The following GSE1 variants were observed in gnomAD, a reference collection of about 807,000 sequenced individuals.
GSE1 encodes the protein genetic suppressor element 1.
GSE1 carries 32 observed loss-of-function variants against 112.6 expected under a neutral mutation model. That is an observed-to-expected ratio of 0.28 (90% CI 0.21 to 0.38). GSE1 has a LOEUF of 0.38. Ranked by LOEUF, GSE1 falls within the 10% of genes least tolerant of loss-of-function variation. GSE1 has a pLI of 1.00. For missense variants in GSE1, 2,348 were observed against 1,699.2 expected, an observed-to-expected ratio of 1.38 and a Z score of -6.71; for synonymous variants, 1,115 against 735.6, an observed-to-expected ratio of 1.52 and a Z score of -8.35.
intron 7 of GSE1, 149 bp from the exon 8 acceptor site, chr16:85,657,128 G>T: frequency 1.8e-6 from 1 of 558,954 alleles, no homozygotes; most frequent in Non-Finnish European, 3.1e-6. Context: ...AGCTCCCGTA[G>T]GGCCCCTTCT....
At position 85,414,822 on chromosome 16, in the gene GSE1, G is replaced by C. The variant is rs141132096; in HGVS notation, c.2464+57179G>C. 9.7e-4 allele frequency among the ~76,000 whole-genome samples: 148 copies of C among 152,254 alleles called. 3 individuals are homozygous for C. The East Asian group carries it at 0.026, about 26-fold the overall frequency. On this transcript the variant is annotated intron_variant, in intron 2 of 2. Coordinates refer to the GSE1 transcript ENST00000637419. The stretch of plus-strand genomic sequence containing the variant: ...ACTAATTTTTTGTATTTTTAGTAGA[G>C]ACGGGGTTTCACCATGTTGGCAAGG...
intron 1 of GSE1, among the ~76,000 whole-genome samples, chr16:85,584,192 C>A (rs539984731): frequency 3.3e-5 from 5 of 152,182 alleles, no homozygotes; most frequent in Non-Finnish European, 5.9e-5. Context: ...CCTTCCTCCC[C>A]CTCTGCGTGT....
chr16:85,634,692 G>T (rs541686230), intron 2 of GSE1, among the ~76,000 whole-genome samples: 1 of 152,180 alleles, frequency 6.6e-6, no homozygotes, highest in Non-Finnish European at 1.5e-5. Context: ...TTGGCTTCTG[G>T]TATCACCTGG....
chr16:85,651,173 G>A (rs1312942007), intron 3 of GSE1, among the ~76,000 whole-genome samples: 3 of 151,174 alleles, frequency 2.0e-5, no homozygotes, highest in South Asian at 2.1e-4. Context: ...GCCCTGATGC[G>A]TCTGTCTGTG....
chr16:85,624,633 C>T (rs117281024), intron 1 of GSE1, among the ~76,000 whole-genome samples: 1 of 152,218 alleles, frequency 6.6e-6, no homozygotes, highest in Non-Finnish European at 1.5e-5. Flanking sequence ...GGTTTCCTTC[C>T]GGCTCCTGAG....
At chr16:85,461,893 G>T (rs1159409385) in intron 2 of GSE1, among the ~76,000 whole-genome samples, 2 of 152,060 alleles carry the variant, frequency 1.3e-5, no homozygotes, top group Non-Finnish European at 2.9e-5. Context: ...GCGGCAGGCA[G>T]CCCTGCCCCT....
chr16:85,218,208 A>G (rs893991331), intron 1 of GSE1, among the ~76,000 whole-genome samples: 9 of 152,000 alleles, frequency 5.9e-5, no homozygotes, highest in African/African-American at 1.9e-4. Context: ...GGCTCGTTTC[A>G]GCCTCATCTG....
chr16:85,399,458 C>T (rs1361277574), intron 2 of GSE1, among the ~76,000 whole-genome samples: 6 of 152,212 alleles, frequency 3.9e-5, no homozygotes, highest in African/African-American at 1.4e-4. Context: ...CCACATGCCC[C>T]ACCAGCTTCA....
At chr16:85,632,727 TG>T (rs1409292855) in intron 1 of GSE1, among the ~76,000 whole-genome samples, 5 of 152,284 alleles carry the variant, frequency 3.3e-5, no homozygotes, top group African/African-American at 1.2e-4. Flanking sequence ...TCTTGTGTGT[TG>T]CCCCCCGGAT....
chr16:85,478,255 G>A lies in GSE1; in HGVS notation c.2464+120612G>A, dbSNP rs185024769. Among the ~76,000 whole-genome samples the A allele has an allele frequency of 5.9e-4, 90 of 152,226 alleles. 3 individuals are homozygous for A. The Middle Eastern group carries it at 0.044, about 75-fold the overall frequency. On this transcript the variant is annotated intron_variant, in intron 2 of 2. Coordinates refer to the GSE1 transcript ENST00000637419. ...TATTCCATGGCATGGGGCCAGGCAC[G>A]GTGGCTCATGCCTGTCATCGCAGCA... is the stretch of plus-strand genomic sequence containing the variant.
intron 2 of GSE1, among the ~76,000 whole-genome samples, chr16:85,456,062 G>C (rs2049817639): frequency 6.6e-6 from 1 of 152,250 alleles, no homozygotes; most frequent in African/African-American, 2.4e-5. Flanking sequence ...TTGAACTTGA[G>C]TGGCTGGCCC....
chr16:85,673,679 T>TC lies in GSE1; in HGVS notation c.*1145dup, dbSNP rs1465617135. The TC allele has an allele frequency of 6.6e-6, 1 of 152,120 alleles. No homozygotes were observed. The highest frequency in any genetic ancestry group is 1.5e-5 in the Non-Finnish European group (1 of 68,032). The allele number at this position is 152,120 out of a possible 1,614,324, so 9.4% of individuals were successfully genotyped here. A position where few individuals can be genotyped will look rare whatever the true frequency, so the allele number is the denominator to read the frequency against. On this transcript the variant is annotated 3_prime_UTR_variant, in exon 16 of 16. Coordinates refer to ENST00000253458, the MANE Select transcript of GSE1 (RefSeq NM_014615.5). ...ATGCGCTACTGCTTACCTCCTCCAC[T>TC]CCCCCTGCCTGCCCCCAGCATCTGG... is the stretch of plus-strand genomic sequence containing the variant.
At chr16:85,326,422 C>G (rs2046229383) in intron 1 of GSE1, among the ~76,000 whole-genome samples, 1 of 152,352 alleles carries the variant, frequency 6.6e-6, no homozygotes, top group South Asian at 2.1e-4. Context: ...ACCCAAATCT[C>G]ATTTTGAATG....
chr16:85,417,378 G>A (rs140492171), intron 2 of GSE1, among the ~76,000 whole-genome samples: 3,548 of 145,052 alleles, frequency 0.024, 54 homozygotes, highest in Middle Eastern at 0.064. Flanking sequence ...CTGTCAGGCC[G>A]CTAGTCTGCT....
intron 2 of GSE1, among the ~76,000 whole-genome samples, chr16:85,647,611 G>T (rs990186258): frequency 2.6e-5 from 4 of 152,050 alleles, no homozygotes; most frequent in East Asian, 1.9e-4. Flanking sequence ...GTTTTGAGAC[G>T]AAGTCTCGCT....
intron 2 of GSE1, among the ~76,000 whole-genome samples, chr16:85,462,820 G>A (rs1223665108): frequency 1.4e-5 from 2 of 146,188 alleles, no homozygotes; most frequent in African/African-American, 4.9e-5. Flanking sequence ...GGGGCCGGGG[G>A]GCGGCGTGAG....
intron 2 of GSE1, among the ~76,000 whole-genome samples, chr16:85,369,572 C>T (rs1024896931): frequency 1.3e-5 from 2 of 152,144 alleles, no homozygotes; most frequent in African/African-American, 4.8e-5. Flanking sequence ...CTTGCAAGGA[C>T]CCTGTGACCC....
At chr16:85,233,482 T>C (rs550379809) in intron 1 of GSE1, among the ~76,000 whole-genome samples, 5 of 152,342 alleles carry the variant, frequency 3.3e-5, no homozygotes, top group African/African-American at 1.2e-4. Context: ...GGAACTGCTC[T>C]GACAGCTGCA....
chr16:85,454,800 TCTCC>T (rs2049780360), intron 2 of GSE1, among the ~76,000 whole-genome samples: 1 of 151,948 alleles, frequency 6.6e-6, no homozygotes, highest in Non-Finnish European at 1.5e-5. Flanking sequence ...TGGGTCCACG[TCTCC>T]TTCTCTGTTT....
Sources: gnomAD v4.1 joint callset for allele counts (sites outside exome capture counted in the v4.1 genomes callset) on GRCh38, gnomAD v4.1.1 for gene constraint, MANE v1.5 for transcripts, NCBI Gene and HGNC (gene_info 2026-07-23, HGNC 2026-07-21) for gene names.